RSU1: variants seen among roughly 807,000 people sequenced by gnomAD.
RSU1 encodes Ras suppressor protein 1.
Under a neutral mutation model 31.1 loss-of-function variants are expected in RSU1, and 26 were observed. The ratio of observed to expected loss-of-function variants is 0.84; its 90% CI spans 0.61 to 1.16. The LOEUF is 1.16. Ranked by LOEUF, RSU1 falls within the 50% of genes most tolerant of loss-of-function variation. RSU1 has a pLI of 0.00. For synonymous variants in RSU1, 164 were observed against 136.3 expected (o/e 1.20, Z -1.41); for missense variants, 320 against 339.1 (o/e 0.94, Z 0.44).
intron 8 of RSU1, among the ~76,000 whole-genome samples, chr10:16,602,084 C>T (rs1833722762): frequency 2.6e-5 from 4 of 152,130 alleles, no homozygotes; most frequent in African/African-American, 9.7e-5. Context: ...TTATTACTGC[C>T]AGGAATGCCT....
chr10:16,778,144 C>T (rs1442216191), intron 3 of RSU1, among the ~76,000 whole-genome samples: 4 of 151,762 alleles, frequency 2.6e-5, no homozygotes, highest in African/African-American at 9.7e-5. Flanking sequence ...CTACAGCCTC[C>T]ACAGTAGCTG....
At chr10:16,624,898 G>A (rs1029825863) in intron 8 of RSU1, among the ~76,000 whole-genome samples, 7 of 152,070 alleles carry the variant, frequency 4.6e-5, no homozygotes, top group Admixed American at 4.6e-4. Flanking sequence ...TGAAACTGAA[G>A]GCTACAGCTG....
intron 8 of RSU1, among the ~76,000 whole-genome samples, chr10:16,652,647 T>G (rs1834708028): frequency 6.6e-6 from 1 of 152,192 alleles, no homozygotes; most frequent in Non-Finnish European, 1.5e-5. Context: ...TGTATAAGTT[T>G]ATTTGAATGT....
intron 8 of RSU1, among the ~76,000 whole-genome samples, chr10:16,675,539 C>T (rs1203918105): frequency 6.6e-6 from 1 of 152,102 alleles, no homozygotes; most frequent in African/African-American, 2.4e-5. Flanking sequence ...CAGCCAATTC[C>T]AGAACACTAG....
chr10:16,635,202 C>G (rs1484150815), intron 8 of RSU1, among the ~76,000 whole-genome samples: 1 of 152,148 alleles, frequency 6.6e-6, no homozygotes, highest in Non-Finnish European at 1.5e-5. Flanking sequence ...TGCCAATATC[C>G]AAACCAAATT....
intron 7 of RSU1, chr10:16,727,028 T>TA (rs1273779776): frequency 2.2e-6 from 1 of 456,334 alleles, no homozygotes; most frequent in Admixed American, 2.3e-5. Context: ...TTTAACAACT[T>TA]ACCTGAAGTT....
chr10:16,702,815 A>G (rs1835820560), intron 7 of RSU1, among the ~76,000 whole-genome samples: 2 of 152,132 alleles, frequency 1.3e-5, no homozygotes, highest in Admixed American at 1.3e-4. Flanking sequence ...GCATGATTAT[A>G]TTTTGCAATG....
chr10:16,659,973 C>T (rs1834859118), intron 8 of RSU1, among the ~76,000 whole-genome samples: 1 of 152,156 alleles, frequency 6.6e-6, no homozygotes, highest in South Asian at 2.1e-4. Context: ...AATAATTCTC[C>T]ATGGGACTCA....
chr10:16,671,409 G>A (rs143603918), intron 8 of RSU1, among the ~76,000 whole-genome samples: 140 of 152,234 alleles, frequency 9.2e-4, no homozygotes, highest in African/African-American at 3.1e-3. Flanking sequence ...TCCTGATAGG[G>A]ACCTGCAATT....
At chr10:16,704,731 G>C (rs569586298) in intron 7 of RSU1, among the ~76,000 whole-genome samples, 1 of 152,050 alleles carries the variant, frequency 6.6e-6, no homozygotes, top group Non-Finnish European at 1.5e-5. Flanking sequence ...AATGCATTAG[G>C]TGAATACACT....
At chr10:16,759,935 T>A (rs764025524) in intron 4 of RSU1, among the ~76,000 whole-genome samples, 35 of 152,166 alleles carry the variant, frequency 2.3e-4, no homozygotes, top group Admixed American at 1.4e-3. Context: ...GTGTGTATGC[T>A]TTTCACCCTG....
chr10:16,797,856 C>CTTCTT lies in RSU1; in HGVS notation c.110-15773_110-15772insAAGAA, dbSNP rs1554775554. On this transcript the variant is annotated intron_variant, in intron 2 of 8. Coordinates refer to ENST00000345264, the MANE Select transcript of RSU1 (RefSeq NM_012425.4). ...ACAGAAGTTAAAGTGGGGATTTCTT[C>CTTCTT]TTTTTTTTTTTTTTTTTTTTTTTGA... Among the ~76,000 whole-genome samples the CTTCTT allele has an allele frequency of 2.5e-3, 260 of 103,522 alleles. 2 individuals are homozygous for CTTCTT. The highest frequency in any genetic ancestry group is 6.5e-3 in the African/African-American group (192 of 29,674). 67.9% of individuals were successfully genotyped at this position (103,522 alleles called of 152,430 possible). A position where few individuals can be genotyped will look rare whatever the true frequency, so the allele number is the denominator to read the frequency against.
chr10:16,758,935 G>A (rs1263338902), intron 4 of RSU1, among the ~76,000 whole-genome samples: 2 of 152,142 alleles, frequency 1.3e-5, no homozygotes, highest in Non-Finnish European at 2.9e-5. Context: ...GTTTGCATGG[G>A]AAGATTTTTC....
chr10:16,597,307 A>T (rs184882871), intron 8 of RSU1, among the ~76,000 whole-genome samples: 1 of 152,288 alleles, frequency 6.6e-6, no homozygotes, highest in East Asian at 1.9e-4. Flanking sequence ...TTTCGGAGCG[A>T]ACTGGAATGT....
At chr10:16,693,690 G>A (rs1016202770) in intron 8 of RSU1, among the ~76,000 whole-genome samples, 12 of 151,754 alleles carry the variant, frequency 7.9e-5, no homozygotes, top group Admixed American at 2.6e-4. Flanking sequence ...GGGAGACCCC[G>A]TCTCTGCAAA....
At chr10:16,740,729 T>C (rs1489278530) in intron 7 of RSU1, among the ~76,000 whole-genome samples, 1 of 152,018 alleles carries the variant, frequency 6.6e-6, no homozygotes, top group Admixed American at 6.5e-5. Context: ...GCAACAAAAG[T>C]AATAAAATGC....
chr10:16,807,353 A>G (rs1588549609), intron 2 of RSU1, among the ~76,000 whole-genome samples: 1 of 152,240 alleles, frequency 6.6e-6, no homozygotes, highest in East Asian at 1.9e-4. Context: ...TATGGATACT[A>G]TAACTAAAAC....
rs528189828 is a variant in RSU1, at chr10:16,596,961, G to A, written c.732-3465C>T. ...TGGTCTCAAACTCCTGACCTCAAACGATCCACCCACCTTGGAAAGGCTGGG... is the reference window on the plus strand; with the variant it reads ...TGGTCTCAAACTCCTGACCTCAAACAATCCACCCACCTTGGAAAGGCTGGG... On this transcript the variant is annotated intron_variant, in intron 8 of 8. Coordinates refer to ENST00000345264, the MANE Select transcript of RSU1 (RefSeq NM_012425.4). Among the ~76,000 whole-genome samples, 4 of 152,240 alleles carry A rather than the reference G, an allele frequency of 2.6e-5. No individual in the cohort carries two copies. In the East Asian group the frequency reaches 7.7e-4, roughly 29 times the overall value.
At position 16,755,000 on chromosome 10, in the gene RSU1, G is replaced by A; in HGVS notation, c.282-11C>T. On this transcript the variant is annotated splice_polypyrimidine_tract_variant and intron_variant, in intron 4 of 8. Transcript: ENST00000345264. ...TTCAGCCTGTTCATGCTGTTGCAGG[G>A]GGACAAAAATCTATGTCATGACACC... 1 of 1,565,956 alleles carries A rather than the reference G, an allele frequency of 6.4e-7. No homozygotes were observed. The highest frequency in any genetic ancestry group is 8.8e-7 in the Non-Finnish European group (1 of 1,141,604).
Sources: gnomAD v4.1 joint callset for allele counts (sites outside exome capture counted in the v4.1 genomes callset) on GRCh38, gnomAD v4.1.1 for gene constraint, MANE v1.5 for transcripts, NCBI Gene and HGNC (gene_info 2026-07-23, HGNC 2026-07-21) for gene names.